The following COMT variants were observed in gnomAD, a reference collection of about 807,000 sequenced individuals.
The protein encoded by COMT is catechol-O-methyltransferase.
A neutral mutation model predicts 18.9 loss-of-function variants in COMT; 13 were observed. That is an observed-to-expected ratio of 0.69 (90% CI 0.45 to 1.09). COMT has a LOEUF of 1.09. Ranked by LOEUF, COMT falls within the 50% of genes least tolerant of loss-of-function variation. The probability of loss-of-function intolerance (pLI) is 0.00; values close to 1 mark genes in which losing one functional copy is unlikely to be tolerated. For missense variants in COMT, 329 were observed against 361.8 expected (o/e 0.91, Z 0.73); for synonymous variants, 150 against 160.9 (o/e 0.93, Z 0.51).
intron 1 of COMT, among the ~76,000 whole-genome samples, chr22:19,960,016 T>C (rs973730063): frequency 6.6e-6 from 1 of 152,220 alleles, no homozygotes; most frequent in African/African-American, 2.4e-5. Context: ...GGAAGGGGGC[T>C]TCGGGCCCCT....
At chr22:19,950,994 T>C (rs1941921847) in intron 1 of COMT, 1 of 151,702 alleles carries the variant, frequency 6.6e-6, no homozygotes, top group African/African-American at 2.4e-5. Context: ...CCACCAGGAG[T>C]CAGGAGTGAA....
chr22:19,947,958 A>C (rs886184881), intron 1 of COMT, among the ~76,000 whole-genome samples: 2 of 152,234 alleles, frequency 1.3e-5, no homozygotes, highest in African/African-American at 2.4e-5. Context: ...CGGGCATAAC[A>C]GAAGGCTCAC....
At position 19,962,615 on chromosome 22, in the gene COMT, G is replaced by A; in HGVS notation, c.89G>A (p.Gly30Asp). Residue 30 changes from glycine to aspartate, a missense_variant, in exon 3 of 6, where the codon GGC (glycine) becomes GAC (aspartate). By Grantham distance (94) the Gly-to-Asp change is moderately conservative. Transcript: ENST00000361682. The part of the protein sequence containing the change: ...VVLLLLLRHW[G>D]WGLCLIGWNE... ...CTGCTGCTGCTTCTGAGGCACTGGGGCTGGGGCCTGTGCCTTATCGGCTGG... is the reference window on the plus strand; with the variant it reads ...CTGCTGCTGCTTCTGAGGCACTGGGACTGGGGCCTGTGCCTTATCGGCTGG... 1.9e-6 allele frequency: 3 copies of A among 1,600,556 alleles called. 1 individual carries two copies. The South Asian group carries it at 3.4e-5, about 18-fold the overall frequency.
chr22:19,959,605 C>T (rs551370519), intron 1 of COMT, among the ~76,000 whole-genome samples: 1 of 152,230 alleles, frequency 6.6e-6, no homozygotes, highest in African/African-American at 2.4e-5. Context: ...GGCCAGGGCT[C>T]TGTTGGTGGC....
At position 19,941,861 on chromosome 22, in the gene COMT, G is replaced by C; in HGVS notation, c.-128G>C. 1.4e-6 allele frequency: 2 copies of C among 1,449,178 alleles called. No individual in the cohort carries two copies. The highest frequency in any genetic ancestry group is 1.8e-6 in the Non-Finnish European group (2 of 1,109,646). The allele number at this position is 1,449,178 out of a possible 1,614,324, so 89.8% of individuals were successfully genotyped here. A position where few individuals can be genotyped will look rare whatever the true frequency, so the allele number is the denominator to read the frequency against. Reference sequence around the variant, plus strand: ...CCGCCGCGCTGCCTGCGCCGGACCGGGGCGGGTCCAGTCCCGGGCGGGCCG... The same window carrying C: ...CCGCCGCGCTGCCTGCGCCGGACCGCGGCGGGTCCAGTCCCGGGCGGGCCG... On this transcript the variant is annotated 5_prime_UTR_variant, in exon 1 of 6. Transcript: ENST00000361682.
At position 19,962,565 on chromosome 22, in the gene COMT, G is replaced by C. The variant is rs764392202; in HGVS notation, c.39G>C (p.Leu13Phe). Reference sequence around the variant, plus strand: ...CGCCTCTGCTGTTGGCAGCTGTGTTGCTGGGCCTGGTGCTGCTGGTGGTGC... The same window carrying C: ...CGCCTCTGCTGTTGGCAGCTGTGTTCCTGGGCCTGGTGCTGCTGGTGGTGC... ...EAPPLLLAAV[L>F]LGLVLLVVLL... The change falls in exon 3 of 6, where the codon TTG becomes TTC. Residue 13 changes from leucine (L) to phenylalanine (F), a missense_variant. By Grantham distance (22) the Leu-to-Phe change is conservative (BLOSUM62 0). Transcript: ENST00000361682. 1.4e-5 allele frequency: 20 copies of C among 1,398,846 alleles called. No individual in the cohort carries two copies. In the African/African-American group the frequency reaches 2.9e-4, roughly 20 times the overall value. The allele number at this position is 1,398,846 out of a possible 1,614,324, so 86.7% of individuals were successfully genotyped here. A position where few individuals can be genotyped will look rare whatever the true frequency, so the allele number is the denominator to read the frequency against.
intron 1 of COMT, among the ~76,000 whole-genome samples, chr22:19,956,175 C>T (rs1164271120): frequency 3.6e-5 from 4 of 111,124 alleles, no homozygotes; most frequent in Admixed American, 1.3e-4. Context: ...GATGGAGTCT[C>T]GCTCTGCTGC....
intron 1 of COMT, among the ~76,000 whole-genome samples, chr22:19,950,621 G>A (rs1941915055): frequency 6.6e-6 from 1 of 152,138 alleles, no homozygotes; most frequent in African/African-American, 2.4e-5. Context: ...ACCGTGGGGA[G>A]TTGAGGGGCT....
chr22:19,950,221 T>C (rs1271150149), intron 1 of COMT, among the ~76,000 whole-genome samples: 1 of 132,186 alleles, frequency 7.6e-6, no homozygotes, highest in South Asian at 2.4e-4. Flanking sequence ...TTTTATATAT[T>C]TTTTCTTTTC....
intron 1 of COMT, among the ~76,000 whole-genome samples, chr22:19,957,011 C>T (rs1048754182): frequency 2.9e-4 from 42 of 147,048 alleles, no homozygotes; most frequent in African/African-American, 9.8e-4. Flanking sequence ...AGTGCAGTGG[C>T]GTGATCTCGG....
intron 3 of COMT, 68 bp downstream of exon 3, chr22:19,962,883 C>G (rs779175593): frequency 7.8e-6 from 12 of 1,539,594 alleles, no homozygotes; most frequent in Non-Finnish European, 1.1e-5. Context: ...AAAGCCCTTA[C>G]AGGAGAAGCT....
intron 5 of COMT, chr22:19,966,943 G>C (rs1942432531): frequency 4.1e-6 from 4 of 985,388 alleles, no homozygotes; most frequent in Non-Finnish European, 4.8e-6. Flanking sequence ...CACGGCATTA[G>C]ATTTTCAGTC....
At chr22:19,952,645 A>G (rs1941968421) in intron 1 of COMT, among the ~76,000 whole-genome samples, 1 of 137,952 alleles carries the variant, frequency 7.2e-6, no homozygotes, top group African/African-American at 2.6e-5. Context: ...TCTCAAAACA[A>G]AACAAAACAA....
chr22:19,944,854 A>C (rs934464133), intron 1 of COMT, among the ~76,000 whole-genome samples: 7 of 151,948 alleles, frequency 4.6e-5, no homozygotes, highest in Non-Finnish European at 7.4e-5. Flanking sequence ...AAACACCTAC[A>C]AAAGACAGTG....
In COMT at chr22:19,948,525, T is replaced by C. The variant is rs541544546; in HGVS notation, c.-92+6628T>C. 2.0e-4 allele frequency among the ~76,000 whole-genome samples: 31 copies of C among 152,264 alleles called. 1 individual carries two copies. The South Asian group carries it at 5.2e-3, about 25-fold the overall frequency. ...AAGTTGAAAAATTAGCTGGGCATGG[T>C]GGTACATGTCTGTAGTCCCATGTAC... On this transcript the variant is annotated intron_variant, in intron 1 of 5. Transcript: ENST00000361682.
intron 1 of COMT, among the ~76,000 whole-genome samples, chr22:19,958,759 T>C (rs1942122860): frequency 7.2e-6 from 1 of 139,618 alleles, no homozygotes; most frequent in Non-Finnish European, 1.5e-5. Context: ...TGTGCGGTGG[T>C]GCACATCTGT....
At chr22:19,952,817 G>A (rs1193441975) in intron 1 of COMT, among the ~76,000 whole-genome samples, 3 of 150,842 alleles carry the variant, frequency 2.0e-5, no homozygotes, top group Admixed American at 6.6e-5. Flanking sequence ...TAGGCGTGGT[G>A]GTGTGAGCCT....
intron 5 of COMT, chr22:19,967,252 A>C: frequency 7.7e-7 from 1 of 1,291,738 alleles, no homozygotes; most frequent in Non-Finnish European, 1.0e-6. Flanking sequence ...GCGCAACCCG[A>C]GAAGTCCAGG....
At chr22:19,962,969 CAGGGTG>C in intron 3 of COMT, 154 bp downstream of exon 3, 5 of 937,364 alleles carry the variant, frequency 5.3e-6, no homozygotes, top group Non-Finnish European at 7.8e-6. Context: ...TCTGGAGTCC[CAGGGTG>C]CCAGGGTCCC....
Sources: allele counts gnomAD v4.1 joint callset (sites outside exome capture counted in the v4.1 genomes callset), GRCh38; gene constraint gnomAD v4.1.1; transcripts MANE v1.5; gene names NCBI Gene and HGNC (gene_info 2026-07-23, HGNC 2026-07-21).